MEGF11: variants seen among roughly 807,000 people sequenced by gnomAD.
The protein encoded by MEGF11 is multiple EGF like domains 11.
Under a neutral mutation model 146.6 loss-of-function variants are expected in MEGF11, and 126 were observed. The observed-to-expected ratio is 0.86, with a 90% CI of 0.74 to 1.00. MEGF11 has a LOEUF of 1.00. Ranked by LOEUF, MEGF11 falls within the 50% of genes least tolerant of loss-of-function variation. MEGF11 has a pLI of 0.00. For missense variants in MEGF11, 1,509 were observed against 1,521.2 expected, an observed-to-expected ratio of 0.99 and a Z score of 0.13; for synonymous variants, 532 against 583.4, an observed-to-expected ratio of 0.91 and a Z score of 1.27.
intron 5 of MEGF11, among the ~76,000 whole-genome samples, chr15:66,058,036 TGAAAA>T (rs1324357466): frequency 1.3e-5 from 2 of 152,056 alleles, no homozygotes; most frequent in African/African-American, 4.8e-5. Context: ...TCCTGCAAAG[TGAAAA>T]GAATTCTTTA....
intron 21 of MEGF11, among the ~76,000 whole-genome samples, chr15:65,910,139 A>G (rs2078754010): frequency 6.6e-6 from 1 of 152,032 alleles, no homozygotes; most frequent in Non-Finnish European, 1.5e-5. Context: ...GCCTCTGGTG[A>G]TGTCTCAGCT....
chr15:66,163,991 C>T (rs1319925976), intron 1 of MEGF11, among the ~76,000 whole-genome samples: 1 of 152,200 alleles, frequency 6.6e-6, no homozygotes, highest in Non-Finnish European at 1.5e-5. Context: ...CTCACCCAAG[C>T]CGCCAAACCT....
chr15:66,248,280 C>A (rs1345348767), intron 1 of MEGF11, among the ~76,000 whole-genome samples: 1 of 152,198 alleles, frequency 6.6e-6, no homozygotes, highest in Non-Finnish European at 1.5e-5. Context: ...AACTATAGGG[C>A]AGACATAACC....
At chr15:66,248,526 T>C (rs1355228965) in intron 1 of MEGF11, among the ~76,000 whole-genome samples, 1 of 152,238 alleles carries the variant, frequency 6.6e-6, no homozygotes, top group African/African-American at 2.4e-5. Context: ...GATTAATTGA[T>C]CTTCCCCTTG....
chr15:65,917,511 C>A (rs1370654666), intron 16 of MEGF11, among the ~76,000 whole-genome samples: 2 of 152,114 alleles, frequency 1.3e-5, no homozygotes, highest in Non-Finnish European at 2.9e-5. Context: ...AGGGGCTGTT[C>A]CCTTCACATC....
At chr15:66,224,340 C>T (rs2091800692) in intron 1 of MEGF11, among the ~76,000 whole-genome samples, 1 of 151,950 alleles carries the variant, frequency 6.6e-6, no homozygotes, top group Non-Finnish European at 1.5e-5. Context: ...TTTGGGAGGC[C>T]AAGGCAGGTG....
intron 5 of MEGF11, among the ~76,000 whole-genome samples, chr15:66,081,906 C>T (rs1044502002): frequency 1.3e-5 from 2 of 152,158 alleles, no homozygotes; most frequent in African/African-American, 2.4e-5. Flanking sequence ...AATCAGTCCC[C>T]TTAGAGGGCA....
At chr15:66,107,054 A>ACCCCCCCCCCCC (rs35937464) in intron 4 of MEGF11, among the ~76,000 whole-genome samples, 1 of 132,484 alleles carries the variant, frequency 7.5e-6, no homozygotes, top group African/African-American at 2.9e-5. Context: ...TTATATTCCT[A>ACCCCCCCCCCCC]CCCCCCCACC....
At chr15:65,953,139 C>T (rs1333194773) in intron 10 of MEGF11, among the ~76,000 whole-genome samples, 6 of 152,186 alleles carry the variant, frequency 3.9e-5, no homozygotes, top group African/African-American at 1.2e-4. Context: ...GGGGAAGCAA[C>T]GTTCCCCCAC....
At chr15:66,096,416 C>G (rs2086555903) in intron 4 of MEGF11, among the ~76,000 whole-genome samples, 1 of 152,356 alleles carries the variant, frequency 6.6e-6, no homozygotes, top group Middle Eastern at 3.4e-3. Context: ...GCGTTCATGG[C>G]CCCTTGGGCA....
intron 1 of MEGF11, among the ~76,000 whole-genome samples, chr15:66,249,649 C>T (rs1198546511): frequency 6.6e-6 from 1 of 152,180 alleles, no homozygotes; most frequent in East Asian, 1.9e-4. Context: ...TTCCAGGCTT[C>T]CCCATCTTAT....
intron 1 of MEGF11, among the ~76,000 whole-genome samples, chr15:66,167,570 G>A (rs1340701195): frequency 2.0e-5 from 3 of 152,068 alleles, no homozygotes; most frequent in African/African-American, 4.8e-5. Flanking sequence ...GCTTGAACCC[G>A]GGAGGCAGAG....
At chr15:66,235,367 T>C (rs1410557874) in intron 1 of MEGF11, among the ~76,000 whole-genome samples, 2 of 151,940 alleles carry the variant, frequency 1.3e-5, no homozygotes, top group Non-Finnish European at 2.9e-5. Context: ...CTGGGTATGG[T>C]GGCATGCACC....
intron 1 of MEGF11, among the ~76,000 whole-genome samples, chr15:66,169,972 A>T (rs2090203088): frequency 6.6e-6 from 1 of 151,882 alleles, no homozygotes; most frequent in African/African-American, 2.4e-5. Flanking sequence ...TGCACAATTT[A>T]TTTTGGGGTG....
In MEGF11 at chr15:66,119,006, C is replaced by T. The variant is rs558006402; in HGVS notation, c.301+80G>A. 1.0e-4 allele frequency: 96 copies of T among 921,008 alleles called. 4 individuals carry two copies. In the South Asian group the frequency reaches 1.4e-3, roughly 14 times the overall value. 57.1% of individuals were successfully genotyped at this position (921,008 alleles called of 1,614,324 possible). A position where few individuals can be genotyped will look rare whatever the true frequency, so the allele number is the denominator to read the frequency against. ...GCTGCCTAGGGGCCGTGGATATCAG[C>T]CCCACCTCCCCTCCCCTCCCCTCCT... is the stretch of plus-strand genomic sequence containing the variant. On this transcript the variant is annotated intron_variant, in intron 4 of 25. Coordinates refer to ENST00000395614, the MANE Select transcript of MEGF11 (RefSeq NM_001385028.1).
At chr15:66,155,964 G>A (rs191367782) in intron 1 of MEGF11, among the ~76,000 whole-genome samples, 15 of 152,284 alleles carry the variant, frequency 9.9e-5, no homozygotes, top group Admixed American at 7.8e-4. Flanking sequence ...CAGACCCACC[G>A]ACCCATCAGC....
At chr15:66,027,418 A>G (rs2083371338) in intron 5 of MEGF11, among the ~76,000 whole-genome samples, 1 of 152,204 alleles carries the variant, frequency 6.6e-6, no homozygotes, top group African/African-American at 2.4e-5. Context: ...ACAGGGGCCT[A>G]TGATAAGGCA....
At chr15:66,119,289 T>C in intron 3 of MEGF11, 103 bp from the exon 4 acceptor site, 2 of 762,708 alleles carry the variant, frequency 2.6e-6, no homozygotes, top group Non-Finnish European at 4.3e-6. Flanking sequence ...ATTCAATAAT[T>C]ACTTTAAAAT....
intron 1 of MEGF11, among the ~76,000 whole-genome samples, chr15:66,221,082 A>G (rs1349734910): frequency 2.0e-5 from 3 of 152,126 alleles, no homozygotes; most frequent in East Asian, 3.8e-4. Context: ...TATTTTTGCA[A>G]CTTCTATGTG....
Sources: gnomAD v4.1 joint callset for allele counts (sites outside exome capture counted in the v4.1 genomes callset) on GRCh38, gnomAD v4.1.1 for gene constraint, MANE v1.5 for transcripts, NCBI Gene and HGNC (gene_info 2026-07-23, HGNC 2026-07-21) for gene names.